Variants in MAP4K5 observed in about 807,000 individuals in gnomAD.
MAP4K5 encodes the protein mitogen-activated protein kinase kinase kinase kinase 5.
A neutral mutation model predicts 135.6 loss-of-function variants in MAP4K5; 82 were observed. The observed-to-expected ratio is 0.60, with a 90% confidence interval of 0.51 to 0.73. The LOEUF is 0.73. Ranked by LOEUF, MAP4K5 falls within the 30% of genes least tolerant of loss-of-function variation. The probability of loss-of-function intolerance (pLI) is 0.00; values close to 1 mark genes in which losing one functional copy is unlikely to be tolerated. For synonymous variants in MAP4K5, 347 were observed against 335.0 expected (o/e 1.04, Z -0.39); for missense variants, 907 against 1,010.9 (o/e 0.90, Z 1.39).
chr14:50,511,291 A>T, intron 2 of MAP4K5, among the ~76,000 whole-genome samples: 1 of 152,210 alleles, frequency 6.6e-6, no homozygotes, highest in Non-Finnish European at 1.5e-5. Flanking sequence ...CTGTTAAGTG[A>T]AATTGGCCAG....
rs760646682 is a variant in MAP4K5, at chr14:50,468,715, C to G, written c.610G>C (p.Val204Leu). The G allele has an allele frequency of 4.3e-6, 7 of 1,612,962 alleles. No homozygotes were observed. The East Asian group carries it at 1.3e-4, about 31-fold the overall frequency. ...GYNQLCDIWA[V>L]GITAIELGEL... The stretch of plus-strand genomic sequence containing the variant: ...CCAAGTTCAATTGCTGTTATTCCTA[C>G]TGCCCAGATATCACAGAGTTGGTTG... The change falls in exon 10 of 33, where the codon GTA (valine) becomes CTA (leucine). Residue 204 changes from valine (V) to leucine (L), a missense_variant. Val to Leu is a conservative substitution (Grantham distance 32). Coordinates refer to ENST00000682126, the MANE Select transcript of MAP4K5 (RefSeq NM_006575.6).
intron 17 of MAP4K5, among the ~76,000 whole-genome samples, chr14:50,445,809 C>T (rs1405302669): frequency 2.0e-5 from 3 of 152,106 alleles, no homozygotes; most frequent in African/African-American, 7.2e-5. Flanking sequence ...TGAAGTGATC[C>T]ACTTGCCTTT....
chr14:50,488,736 T>A lies in MAP4K5; in HGVS notation c.167-2542A>T, dbSNP rs188192883. ...TCTTGGTGAGAGTGAGTGACAACTT[T>A]TTACAGCTGTAGCTGGAAGCAAGAA... On this transcript the variant is annotated intron_variant, in intron 3 of 32. Coordinates refer to ENST00000682126, the MANE Select transcript of MAP4K5 (RefSeq NM_006575.6). Among the ~76,000 whole-genome samples the A allele has an allele frequency of 2.6e-4, 40 of 152,304 alleles. 1 individual carries two copies. Among genetic ancestry groups the A allele is most frequent in the Admixed American group, 2.3e-3 (35 of 15,310 alleles).
chr14:50,428,289 CTT>C (rs1045128740), intron 30 of MAP4K5, among the ~76,000 whole-genome samples: 8 of 148,836 alleles, frequency 5.4e-5, no homozygotes, highest in Admixed American at 6.7e-5. Context: ...TTTTCTTGCT[CTT>C]GTTGCCCAGG....
In MAP4K5 at chr14:50,476,814, C is replaced by T. The variant is rs181000502; in HGVS notation, c.379-508G>A. 1.6e-3 allele frequency among the ~76,000 whole-genome samples: 239 copies of T among 152,312 alleles called. 2 individuals carry two copies. Among genetic ancestry groups the T allele is most frequent in the Admixed American group, 2.4e-3 (36 of 15,296 alleles). On this transcript the variant is annotated intron_variant, in intron 6 of 32. Coordinates refer to ENST00000682126, the MANE Select transcript of MAP4K5 (RefSeq NM_006575.6). ...AAAATCAGAAATATTTCACTAAACA[C>T]AATCAAGATATCAAATATATTAATT...
chr14:50,520,770 G>A (rs567283091), intron 2 of MAP4K5, among the ~76,000 whole-genome samples: 4 of 151,292 alleles, frequency 2.6e-5, no homozygotes, highest in Admixed American at 6.6e-5. Context: ...AAACGGGACC[G>A]TTTCTGGTTT....
chr14:50,476,172 T>C lies in MAP4K5; in HGVS notation c.427-2A>G. Reference sequence around the variant, plus strand: ...GTCTGTCAATAAAATATTAGCACCCTAGAACAAAAATACAAATACAATTAA... The same window carrying C: ...GTCTGTCAATAAAATATTAGCACCCCAGAACAAAAATACAAATACAATTAA... On this transcript the variant is annotated splice_acceptor_variant, in intron 7 of 32. Transcript: ENST00000682126. LOFTEE classifies it high-confidence loss of function. 6.6e-7 allele frequency: 1 copy of C among 1,510,444 alleles called. No homozygotes were observed. The highest frequency in any genetic ancestry group is 8.9e-7 in the Non-Finnish European group (1 of 1,120,764). 93.6% of individuals were successfully genotyped at this position (1,510,444 alleles called of 1,614,324 possible).
intron 5 of MAP4K5, 48 bp from the exon 6 acceptor site, chr14:50,482,464 A>G (rs550770624): frequency 2.4e-5 from 31 of 1,287,196 alleles, no homozygotes; most frequent in Non-Finnish European, 3.1e-5. Flanking sequence ...ACCTAACATT[A>G]GAAACAGTCT....
intron 2 of MAP4K5, among the ~76,000 whole-genome samples, chr14:50,509,145 C>T (rs2037876340): frequency 6.6e-6 from 1 of 151,570 alleles, no homozygotes. Context: ...GAAAACCAAA[C>T]ACCACATATT....
At chr14:50,555,758 C>T (rs1024922643) in intron 1 of MAP4K5, among the ~76,000 whole-genome samples, 1 of 152,200 alleles carries the variant, frequency 6.6e-6, no homozygotes, top group African/African-American at 2.4e-5. Context: ...AACTGACCAC[C>T]ATAGAACCAG....
chr14:50,523,919 C>T (rs1595547110), intron 2 of MAP4K5, among the ~76,000 whole-genome samples: 1 of 152,206 alleles, frequency 6.6e-6, no homozygotes, highest in Non-Finnish European at 1.5e-5. Flanking sequence ...CTCACTCTAA[C>T]CATGCTCGCA....
At chr14:50,493,168 T>C (rs892439006) in intron 3 of MAP4K5, among the ~76,000 whole-genome samples, 2 of 152,112 alleles carry the variant, frequency 1.3e-5, no homozygotes, top group Non-Finnish European at 2.9e-5. Flanking sequence ...GACACGATCA[T>C]TGCTCACTGC....
chr14:50,526,576 G>A (rs1211936125), intron 2 of MAP4K5, among the ~76,000 whole-genome samples: 2 of 152,164 alleles, frequency 1.3e-5, no homozygotes, highest in African/African-American at 2.4e-5. Flanking sequence ...GATTACAGGC[G>A]TGAGCCACTG....
chr14:50,444,065 G>A (rs2036289216), intron 18 of MAP4K5, 29 bp from the exon 19 acceptor site: 1 of 1,459,166 alleles, frequency 6.9e-7, no homozygotes, highest in African/African-American at 1.4e-5. Flanking sequence ...AAAGTTGAAT[G>A]ACCACACAAA....
intron 3 of MAP4K5, among the ~76,000 whole-genome samples, chr14:50,493,951 G>A (rs1297404922): frequency 2.7e-5 from 4 of 150,494 alleles, no homozygotes; most frequent in Admixed American, 2.0e-4. Context: ...TCATGCCACC[G>A]CACTCCAGCC....
chr14:50,526,600 C>G (rs2038270976), intron 2 of MAP4K5, among the ~76,000 whole-genome samples: 1 of 152,208 alleles, frequency 6.6e-6, no homozygotes, highest in South Asian at 2.1e-4. Context: ...CTGGCCACGT[C>G]TGTTTTCTTG....
At chr14:50,485,292 A>C (rs2037340498) in intron 5 of MAP4K5, among the ~76,000 whole-genome samples, 2 of 152,098 alleles carry the variant, frequency 1.3e-5, no homozygotes, top group African/African-American at 4.8e-5. Flanking sequence ...TTTTTTTACA[A>C]GGAAATTTAG....
In MAP4K5 at chr14:50,423,202, A is replaced by AACTT. The variant is rs1566629616; in HGVS notation, c.2398-27_2398-26insAAGT. 6.7e-6 allele frequency: 7 copies of AACTT among 1,037,558 alleles called. 1 individual carries two copies. The highest frequency in any genetic ancestry group is 7.4e-6 in the Non-Finnish European group (5 of 672,546). The allele number at this position is 1,037,558 out of a possible 1,614,324, so 64.3% of individuals were successfully genotyped here. On this transcript the variant is annotated intron_variant, in intron 31 of 32. Coordinates refer to ENST00000682126, the MANE Select transcript of MAP4K5 (RefSeq NM_006575.6). ...CTAGGAAAGAAAAATACCTATCAGT[A>AACTT]ACATCTTACTCCCCATATTGCCTTA...
At chr14:50,560,466 G>A in intron 1 of MAP4K5, 3 of 916,490 alleles carry the variant, frequency 3.3e-6, no homozygotes, top group Non-Finnish European at 5.1e-6. Context: ...AACCATGGCC[G>A]AGCGGTACCC....
Sources: gnomAD v4.1 joint callset for allele counts (sites outside exome capture counted in the v4.1 genomes callset) on GRCh38, gnomAD v4.1.1 for gene constraint, MANE v1.5 for transcripts, NCBI Gene and HGNC (gene_info 2026-07-23, HGNC 2026-07-21) for gene names.